The following ARHGAP44 variants were observed in gnomAD, a reference collection of about 807,000 sequenced individuals.
The protein encoded by ARHGAP44 is rho GTPase-activating protein 44.
A neutral mutation model predicts 106.8 loss-of-function variants in ARHGAP44; 43 were observed. That is an observed-to-expected ratio of 0.40 (90% CI 0.32 to 0.52). The LOEUF is 0.52. Among genes scored for constraint, ARHGAP44 ranks in the 20% least tolerant of loss-of-function variants. The pLI is 0.48. For missense variants in ARHGAP44, 866 were observed against 1,050.5 expected (o/e 0.82, Z 2.43); for synonymous variants, 439 against 410.3 (o/e 1.07, Z -0.85).
rs770717361 is a variant in ARHGAP44, at chr17:12,990,080, C to CCCGA, written c.2366_2367insCCGA (p.Leu790ArgfsTer17). 1 of 1,612,834 alleles carries CCCGA rather than the reference C, an allele frequency of 6.2e-7. No individual in the cohort carries two copies. The highest frequency in any genetic ancestry group is 8.5e-7 in the Non-Finnish European group (1 of 1,179,162). On this transcript the variant is annotated frameshift_variant, in exon 21 of 21. Transcript: ENST00000379672. LOFTEE classifies it high-confidence loss of function. ...TCGATCCACATAGAGCTCGGGTCGA[C>CCCGA]GCTCCGCCTGAGTCCCCTGGAGCAC... is the stretch of plus-strand genomic sequence containing the variant.
At chr17:12,984,457 G>A (rs1299709150) in intron 19 of ARHGAP44, 74 bp from the exon 20 acceptor site, 33 of 1,477,908 alleles carry the variant, frequency 2.2e-5, no homozygotes, top group Non-Finnish European at 2.9e-5. Context: ...GCTGAAGGGT[G>A]TGTGAACAGG....
chr17:12,865,738 G>A (rs773366079), intron 1 of ARHGAP44, among the ~76,000 whole-genome samples: 5 of 148,724 alleles, frequency 3.4e-5, no homozygotes, highest in Non-Finnish European at 7.4e-5. Flanking sequence ...GCAATGAGCC[G>A]AGATTGTGCC....
intron 1 of ARHGAP44, among the ~76,000 whole-genome samples, chr17:12,799,970 G>T (rs1055657870): frequency 6.6e-6 from 1 of 152,068 alleles, no homozygotes; most frequent in Non-Finnish European, 1.5e-5. Context: ...TCTACAATAG[G>T]GAGAGGAATA....
chr17:12,973,948 A>G (rs941989010), intron 17 of ARHGAP44, 141 bp from the exon 18 acceptor site: 72 of 878,146 alleles, frequency 8.2e-5, no homozygotes, highest in South Asian at 3.5e-4. Flanking sequence ...ACAGCCCCCA[A>G]TGCATCGCTT....
At chr17:12,861,644 C>CTTTTTTTTTTTTCTTTTT (rs2036080050) in intron 1 of ARHGAP44, among the ~76,000 whole-genome samples, 1 of 67,754 alleles carries the variant, frequency 1.5e-5, no homozygotes, top group Non-Finnish European at 2.9e-5. Flanking sequence ...TCCTCTTCCA[C>CTTTTTTTTTTTTCTTTTT]TTTTTTTTTT....
chr17:12,792,734 A>G (rs2033803663), intron 1 of ARHGAP44, among the ~76,000 whole-genome samples: 1 of 152,144 alleles, frequency 6.6e-6, no homozygotes, highest in Non-Finnish European at 1.5e-5. Context: ...GCCTTCCCTA[A>G]GTTGCAGGTT....
intron 1 of ARHGAP44, among the ~76,000 whole-genome samples, chr17:12,857,706 C>T (rs1203337377): frequency 6.6e-6 from 1 of 152,012 alleles, no homozygotes; most frequent in African/African-American, 2.4e-5. Flanking sequence ...GACTAGTGAC[C>T]GTATTTTCCA....
intron 7 of ARHGAP44, among the ~76,000 whole-genome samples, chr17:12,934,071 T>C (rs946149603): frequency 6.6e-6 from 1 of 151,978 alleles, no homozygotes; most frequent in Non-Finnish European, 1.5e-5. Context: ...ATGGTGTCGA[T>C]CTCCTGACCT....
chr17:12,979,993 C>T, intron 18 of ARHGAP44, 65 bp from the exon 19 acceptor site: 1 of 1,494,524 alleles, frequency 6.7e-7, no homozygotes, highest in Non-Finnish European at 9.0e-7. Flanking sequence ...TGGCCATCGG[C>T]AAGGCTGGTG....
chr17:12,908,696 A>C (rs1390028192), intron 3 of ARHGAP44, among the ~76,000 whole-genome samples: 1 of 152,166 alleles, frequency 6.6e-6, no homozygotes, highest in Non-Finnish European at 1.5e-5. Flanking sequence ...AATATAATTC[A>C]GTTCTCGTTT....
rs188481746 is a variant in ARHGAP44, at chr17:12,808,012, A to G, written c.53+18121A>G. ...AGAAATTGACCAAGACAAAAAGGCT[A>G]CAGGCCTCATGCAAGTCTGAAATCC... On this transcript the variant is annotated intron_variant, in intron 1 of 20. Transcript: ENST00000379672. 8.5e-5 allele frequency among the ~76,000 whole-genome samples: 13 copies of G among 152,360 alleles called. No homozygotes were observed. In the East Asian group the frequency reaches 1.5e-3, roughly 18 times the overall value.
At position 12,789,630 on chromosome 17, in the gene ARHGAP44, G is replaced by C. The variant is rs972515663; in HGVS notation, c.-209G>C. The C allele has an allele frequency of 2.9e-6, 1 of 340,934 alleles. No individual in the cohort carries two copies. Among genetic ancestry groups the C allele is most frequent in the African/African-American group, 2.2e-5 (1 of 46,282 alleles). 21.1% of individuals were successfully genotyped at this position (340,934 alleles called of 1,614,324 possible). A position where few individuals can be genotyped will look rare whatever the true frequency, so the allele number is the denominator to read the frequency against. On this transcript the variant is annotated 5_prime_UTR_variant, in exon 1 of 21. Transcript: ENST00000379672. Reference sequence around the variant, plus strand: ...CCGGGCATTGCGCGGCGCGCGTGAGGGGGATGCGGCAGGAGGCGGCGCGGC... The same window carrying C: ...CCGGGCATTGCGCGGCGCGCGTGAGCGGGATGCGGCAGGAGGCGGCGCGGC...
chr17:12,913,223 C>G (rs1019989495), intron 4 of ARHGAP44, among the ~76,000 whole-genome samples: 1 of 151,920 alleles, frequency 6.6e-6, no homozygotes, highest in Non-Finnish European at 1.5e-5. Flanking sequence ...TTTATCACTG[C>G]TTAGGATGAG....
intron 12 of ARHGAP44, among the ~76,000 whole-genome samples, chr17:12,951,395 C>T (rs1316496264): frequency 1.3e-5 from 2 of 152,194 alleles, no homozygotes; most frequent in Admixed American, 6.5e-5. Context: ...AGGGCCTTTA[C>T]ACTTAACCAC....
chr17:12,956,732 G>T lies in ARHGAP44; in HGVS notation c.1328G>T (p.Trp443Leu). 1 of 1,614,114 alleles carries T rather than the reference G, an allele frequency of 6.2e-7. No homozygotes were observed. Among genetic ancestry groups the T allele is most frequent in the East Asian group, 2.2e-5 (1 of 44,878 alleles). ...GAACCTATCATCCAGCATGCAGACT[G>T]GTTCTTCCCTGGGGGTAGGTGACAG... is the stretch of plus-strand genomic sequence containing the variant. ...IIEPIIQHAD[W>L]FFPGEIEFNI... Residue 443 changes from tryptophan to leucine, a missense_variant, in exon 15 of 21, where the codon TGG (tryptophan) becomes TTG (leucine). This residue lies in a region of ARHGAP44 where 448 missense variants were observed against 646.9 expected (regional missense o/e 0.69). Coordinates refer to ENST00000379672, the MANE Select transcript of ARHGAP44 (RefSeq NM_014859.6).
chr17:12,903,795 T>C (rs934970569), intron 3 of ARHGAP44, among the ~76,000 whole-genome samples: 1 of 152,144 alleles, frequency 6.6e-6, no homozygotes, highest in East Asian at 1.9e-4. Flanking sequence ...ATCATTCTTA[T>C]GCCTCTGTAG....
intron 1 of ARHGAP44, among the ~76,000 whole-genome samples, chr17:12,791,253 T>G (rs1196967060): frequency 6.6e-6 from 1 of 152,254 alleles, no homozygotes; most frequent in Non-Finnish European, 1.5e-5. Context: ...AATTTATGAA[T>G]AGCAGAGTCA....
chr17:12,885,586 T>G (rs2036859440), intron 1 of ARHGAP44, among the ~76,000 whole-genome samples: 2 of 152,164 alleles, frequency 1.3e-5, no homozygotes, highest in South Asian at 4.1e-4. Context: ...TATCTCATTT[T>G]GCTCTTAATT....
chr17:12,975,961 G>A (rs1403001201), intron 18 of ARHGAP44, among the ~76,000 whole-genome samples: 1 of 152,066 alleles, frequency 6.6e-6, no homozygotes. Context: ...AAAGGGGCAT[G>A]ATCAGGGGAG....
Sources: gnomAD v4.1 joint callset for allele counts (sites outside exome capture counted in the v4.1 genomes callset) on GRCh38, gnomAD v4.1.1 for gene constraint, gnomAD v4.1.1 regional missense constraint, MANE v1.5 for transcripts, NCBI Gene and HGNC (gene_info 2026-07-23, HGNC 2026-07-21) for gene names.